DST: variants seen among roughly 807,000 people sequenced by gnomAD.
The protein encoded by DST is dystonin, also known as bullous pemphigoid antigen.
DST carries 253 observed loss-of-function variants against 875.2 expected under a neutral mutation model. The observed-to-expected ratio is 0.29, with a 90% CI of 0.26 to 0.32. DST has a LOEUF of 0.32. Ranked by LOEUF, DST falls within the 10% of genes least tolerant of loss-of-function variation. DST has a pLI of 1.00. For missense variants in DST, 8,287 were observed against 9,111.6 expected (o/e 0.91, Z 3.68); for synonymous variants, 3,124 against 3,197.1 (o/e 0.98, Z 0.77).
intron 4 of DST, among the ~76,000 whole-genome samples, chr6:56,816,249 A>G (rs1443375658): frequency 6.6e-6 from 1 of 152,202 alleles, no homozygotes; most frequent in East Asian, 1.9e-4. Flanking sequence ...AGGTAAACCC[A>G]AAGTCACAGG....
chr6:56,616,770 T>C, intron 36 of DST: 2 of 1,614,200 alleles, frequency 1.2e-6, no homozygotes, highest in Non-Finnish European at 8.5e-7. Flanking sequence ...AGCATTCTAT[T>C]TTCCATAGCT....
rs760961361 is a variant in DST, at chr6:56,635,704, T to C, written c.3071A>G (p.Asp1024Gly). The change falls in exon 24 of 104, where the codon GAT (aspartate) becomes GGT (glycine). Residue 1024 changes from aspartate (D) to glycine (G), a missense_variant. Asp to Gly is a moderately conservative substitution (Grantham distance 94). Around this residue, in one of 10 missense-constraint regions of DST, gnomAD observed 1,160 missense variants for 1,424.3 expected, o/e 0.81. Transcript: ENST00000680361. ...ENTAYFEFFN[D>G]AKEATDYLRN... ...TAAGTAATCAGTAGCTTCTTTGGCA[T>C]CATTGAAAAACTAAGGAAAGATGAA... is the stretch of plus-strand genomic sequence containing the variant. The C allele has an allele frequency of 1.2e-6, 2 of 1,613,668 alleles. No individual in the cohort carries two copies. The highest frequency in any genetic ancestry group is 8.5e-7 in the Non-Finnish European group (1 of 1,179,900).
At chr6:56,825,252 A>C (rs1014080353) in intron 4 of DST, among the ~76,000 whole-genome samples, 5 of 148,876 alleles carry the variant, frequency 3.4e-5, no homozygotes, top group Non-Finnish European at 5.9e-5. Flanking sequence ...GGTTAAATGG[A>C]TTAAGGGCGG....
intron 75 of DST, 53 bp from the exon 76 acceptor site, chr6:56,506,842 T>A (rs1562437434): frequency 1.3e-6 from 2 of 1,554,126 alleles, no homozygotes; most frequent in East Asian, 4.5e-5. Flanking sequence ...ACATCAAAAC[T>A]TTAAAAAGTA....
At chr6:56,631,518 G>C in intron 29 of DST, 129 bp from the exon 30 acceptor site, 1 of 773,560 alleles carries the variant, frequency 1.3e-6, no homozygotes, top group Non-Finnish European at 2.1e-6. Context: ...TTCTTTGTTT[G>C]TTATCAAAGA....
intron 4 of DST, among the ~76,000 whole-genome samples, chr6:56,748,127 T>C (rs1353946611): frequency 1.3e-5 from 2 of 152,192 alleles, no homozygotes; most frequent in Non-Finnish European, 2.9e-5. Context: ...GGACAACATA[T>C]ACCAACATAA....
chr6:56,705,620 T>C (rs1285449589), intron 5 of DST, among the ~76,000 whole-genome samples: 1 of 152,170 alleles, frequency 6.6e-6, no homozygotes, highest in Admixed American at 6.5e-5. Flanking sequence ...GAAGAAGAAG[T>C]TCCCTTAGGA....
intron 4 of DST, chr6:56,843,363 A>G: frequency 1.7e-6 from 2 of 1,180,112 alleles, no homozygotes; most frequent in South Asian, 8.5e-5. Flanking sequence ...GGGCAGGCCG[A>G]TGGTGGGCCG....
chr6:56,477,037 C>T (rs138725379), intron 91 of DST, among the ~76,000 whole-genome samples: 30 of 152,146 alleles, frequency 2.0e-4, no homozygotes, highest in African/African-American at 7.2e-4. Context: ...ATATACTGCT[C>T]CGAAACACCA....
intron 4 of DST, among the ~76,000 whole-genome samples, chr6:56,810,201 T>C (rs2099758226): frequency 1.3e-5 from 2 of 152,108 alleles, no homozygotes; most frequent in South Asian, 4.2e-4. Flanking sequence ...TTCCAGCTAC[T>C]TGGAAGGCTG....
chr6:56,914,922 A>G (rs989429127), intron 2 of DST, among the ~76,000 whole-genome samples: 1 of 152,256 alleles, frequency 6.6e-6, no homozygotes, highest in Admixed American at 6.5e-5. Context: ...TAAGGAAGGC[A>G]AATGAGGAAG....
At chr6:56,729,861 C>T (rs145944349) in intron 5 of DST, among the ~76,000 whole-genome samples, 242 of 152,164 alleles carry the variant, frequency 1.6e-3, no homozygotes, top group African/African-American at 5.2e-3. Context: ...AGAATATCTG[C>T]GCCATGAGTA....
chr6:56,581,431 T>C lies in DST; in HGVS notation c.12904-2494A>G, dbSNP rs938989135. On this transcript the variant is annotated intron_variant, in intron 49 of 103. Transcript: ENST00000680361. Reference sequence around the variant, plus strand: ...AGAGAAGTGGAAAAGGTTAACAGTGTCAACTGCTTCGGAAAGGATAATGTA... The same window carrying C: ...AGAGAAGTGGAAAAGGTTAACAGTGCCAACTGCTTCGGAAAGGATAATGTA... 2.0e-5 allele frequency among the ~76,000 whole-genome samples: 3 copies of C among 152,160 alleles called. No individual in the cohort carries two copies. In the South Asian group the frequency reaches 6.2e-4, roughly 32 times the overall value.
At chr6:56,511,835 G>A (rs1450097150) in intron 72 of DST, among the ~76,000 whole-genome samples, 1 of 150,064 alleles carries the variant, frequency 6.7e-6, no homozygotes, top group Non-Finnish European at 1.5e-5. Flanking sequence ...AAGAAAAAGA[G>A]AGAGAGAGAG....
At position 56,763,684 on chromosome 6, in the gene DST, TACACACACACACACACAC is replaced by T. The variant is rs553580754; in HGVS notation, c.626-28413_626-28396del. ...TCCTCTTAAAAAAAAAAAATACCTA[TACACACACACACACACAC>T]ACACACACACACACACACACACATA... is the stretch of plus-strand genomic sequence containing the variant. On this transcript the variant is annotated intron_variant, in intron 4 of 103. Coordinates refer to ENST00000680361, the MANE Select transcript of DST (RefSeq NM_001374736.1). Among the ~76,000 whole-genome samples the T allele has an allele frequency of 2.3e-4, 27 of 117,100 alleles. No individual in the cohort carries two copies. In the South Asian group the frequency reaches 3.8e-3, roughly 17 times the overall value. 76.8% of individuals were successfully genotyped at this position (117,100 alleles called of 152,430 possible). A position where few individuals can be genotyped will look rare whatever the true frequency, so the allele number is the denominator to read the frequency against.
chr6:56,829,012 A>G (rs116095081), intron 4 of DST, among the ~76,000 whole-genome samples: 1 of 152,358 alleles, frequency 6.6e-6, no homozygotes, highest in Non-Finnish European at 1.5e-5. Flanking sequence ...CCCAAGACTC[A>G]GAACACTGGT....
At position 56,536,688 on chromosome 6, in the gene DST, AG is replaced by A. The variant is rs111333898; in HGVS notation, c.16770+90del. ...ATAAAACAGTAGACATATTTAGAAA[AG>A]TTTGGCTACCACAAATATGATTCAT... On this transcript the variant is annotated intron_variant, in intron 62 of 103. Transcript: ENST00000680361. The A allele has an allele frequency of 5.0e-4, 637 of 1,276,176 alleles. 1 individual carries two copies. In the African/African-American group the frequency reaches 8.7e-3, roughly 17 times the overall value. 79.1% of individuals were successfully genotyped at this position (1,276,176 alleles called of 1,614,324 possible). A position where few individuals can be genotyped will look rare whatever the true frequency, so the allele number is the denominator to read the frequency against.
At chr6:56,564,343 G>C (rs1047306520) in intron 55 of DST, among the ~76,000 whole-genome samples, 2 of 152,172 alleles carry the variant, frequency 1.3e-5, no homozygotes, top group Non-Finnish European at 2.9e-5. Context: ...TAGCGATTGT[G>C]AATGGGAGTT....
chr6:56,820,360 T>C (rs1484626315), intron 4 of DST, among the ~76,000 whole-genome samples: 2 of 152,210 alleles, frequency 1.3e-5, no homozygotes, highest in African/African-American at 4.8e-5. Flanking sequence ...AGTGGACTGT[T>C]GAATTTTCAC....
Sources: gnomAD v4.1 joint callset for allele counts (sites outside exome capture counted in the v4.1 genomes callset) on GRCh38, gnomAD v4.1.1 for gene constraint, gnomAD v4.1.1 regional missense constraint, MANE v1.5 for transcripts, NCBI Gene and HGNC (gene_info 2026-07-23, HGNC 2026-07-21) for gene names.